The following UCKL1 variants were observed in gnomAD, a reference collection of about 807,000 sequenced individuals.
The protein encoded by UCKL1 is uridine-cytidine kinase-like 1.
A neutral mutation model predicts 59.2 loss-of-function variants in UCKL1; 65 were observed. That is an observed-to-expected ratio of 1.10 (90% CI 0.90 to 1.35). The LOEUF (loss-of-function observed/expected upper bound fraction) is 1.35. Ranked by LOEUF, UCKL1 falls within the 40% of genes most tolerant of loss-of-function variation. The probability of loss-of-function intolerance (pLI) is 0.00; values close to 1 mark genes in which losing one functional copy is unlikely to be tolerated. For missense variants in UCKL1, 703 were observed against 784.3 expected, an observed-to-expected ratio of 0.90 and a Z score of 1.24; for synonymous variants, 410 against 323.1, an observed-to-expected ratio of 1.27 and a Z score of -2.88.
intron 1 of UCKL1, among the ~76,000 whole-genome samples, chr20:63,950,571 C>T (rs987621872): frequency 2.6e-5 from 4 of 152,210 alleles, no homozygotes; most frequent in Non-Finnish European, 5.9e-5. Context: ...ACAAGAGAGA[C>T]GCGCCCAGAC....
In UCKL1 at chr20:63,945,890, A is replaced by G. The variant is rs1460378368; in HGVS notation, c.497T>C (p.Ile166Thr). Residue 166 changes from isoleucine to threonine, a missense_variant, in exon 4 of 15, where the codon ATT becomes ACT. Around this residue, in one of 4 missense-constraint regions of UCKL1, gnomAD observed 398 missense variants for 373.0 expected, o/e 1.07. Transcript: ENST00000354216. ...CTGCTTCAGCTTCTTGAGGGTGGAAATGATGAGGTCGAAGTCAAAGGCATC... is the reference window on the plus strand; with the variant it reads ...CTGCTTCAGCTTCTTGAGGGTGGAAGTGATGAGGTCGAAGTCAAAGGCATC... ...HPDAFDFDLI[I>T]STLKKLKQGK... 1 of 1,613,690 alleles carries G rather than the reference A, an allele frequency of 6.2e-7. No individual in the cohort carries two copies. Among genetic ancestry groups the G allele is most frequent in the Non-Finnish European group, 8.5e-7 (1 of 1,179,978 alleles).
Position 63,940,441 on chromosome 20 carries a change from C to A in UCKL1, c.1347G>T (p.Val449=). Residue 449 remains valine (V), a synonymous_variant, in exon 13 of 15, where the codon GTG becomes GTT. Coordinates refer to ENST00000354216, the MANE Select transcript of UCKL1 (RefSeq NM_017859.4). ...RLPKDISDDH[V]ILMDCTVSTG... ...TGGACACGGTGCAGTCCATGAGGAT[C>A]ACGTGGTCATCGCTGATGTCCTTGG... 1.9e-6 allele frequency: 3 copies of A among 1,612,424 alleles called. No homozygotes were observed. In the South Asian group the frequency reaches 3.3e-5, roughly 18 times the overall value.
At chr20:63,945,235 C>G (rs1393466405) in intron 5 of UCKL1, among the ~76,000 whole-genome samples, 1 of 152,128 alleles carries the variant, frequency 6.6e-6, no homozygotes, top group Admixed American at 6.5e-5. Context: ...GTCCTCTGGG[C>G]CTGTACAAGG....
At chr20:63,948,302 C>T (rs552787091) in intron 1 of UCKL1, 162 of 152,216 alleles carry the variant, frequency 1.1e-3, no homozygotes, top group Admixed American at 2.9e-3. Context: ...GCTCCGCAAA[C>T]GGCAGGACCG....
chr20:63,941,769 G>A (rs1190314432), intron 8 of UCKL1, among the ~76,000 whole-genome samples: 1 of 152,086 alleles, frequency 6.6e-6, no homozygotes, highest in Non-Finnish European at 1.5e-5. Context: ...AGGTCTAGGA[G>A]CGGGCAGGAA....
In UCKL1 at chr20:63,940,816, C is replaced by A. The variant is rs1483470415; in HGVS notation, c.1157G>T (p.Gly386Val). ...VQTPQGQDYA[G>V]KCYAGKQITG... ...TACCTGCTTCCCCGCATAGCACTTG[C>A]CCGCATAGTCCTGCCCCTGCGGGGT... The change falls in exon 11 of 15, where the codon GGC becomes GTC. Residue 386 changes from glycine to valine, a missense_variant. This residue lies in a region of UCKL1 where 156 missense variants were observed against 185.6 expected (regional missense o/e 0.84). Coordinates refer to ENST00000354216, the MANE Select transcript of UCKL1 (RefSeq NM_017859.4). 6.4e-7 allele frequency: 1 copy of A among 1,573,444 alleles called. No individual in the cohort carries two copies. The highest frequency in any genetic ancestry group is 8.6e-7 in the Non-Finnish European group (1 of 1,160,978).
chr20:63,949,830 C>T (rs1033818252), intron 1 of UCKL1, among the ~76,000 whole-genome samples: 11 of 152,246 alleles, frequency 7.2e-5, no homozygotes, highest in Admixed American at 1.3e-4. Flanking sequence ...CCTGCACTTC[C>T]GCCATGCACC....
At chr20:63,941,773 G>A (rs2054529316) in intron 8 of UCKL1, among the ~76,000 whole-genome samples, 1 of 152,126 alleles carries the variant, frequency 6.6e-6, no homozygotes, top group Admixed American at 6.5e-5. Context: ...CTAGGAGCGG[G>A]CAGGAAAAGG....
Position 63,948,595 on chromosome 20 carries a change from G to C in UCKL1, c.114-1952C>G, listed in dbSNP as rs374095946. 4 of 11,004 alleles carry C rather than the reference G, an allele frequency of 3.6e-4. No homozygotes were observed. In the East Asian group the frequency reaches 0.016, roughly 45 times the overall value. The allele number at this position is 11,004 out of a possible 1,614,324, so 0.7% of individuals were successfully genotyped here. ...AGGGAGGGGATGTGTGTGAGAGGGA[G>C]GGGGCGTGTGTGAGAGGGAGGGGCG... On this transcript the variant is annotated intron_variant, in intron 1 of 14. Coordinates refer to ENST00000354216, the MANE Select transcript of UCKL1 (RefSeq NM_017859.4).
At chr20:63,947,035 C>A (rs553920389) in intron 1 of UCKL1, among the ~76,000 whole-genome samples, 3 of 151,602 alleles carry the variant, frequency 2.0e-5, no homozygotes, top group Non-Finnish European at 4.4e-5. Flanking sequence ...AATGAGCTAT[C>A]GTGCCACTGC....
Position 63,940,963 on chromosome 20 carries a change from A to G in UCKL1, c.1103T>C (p.Phe368Ser). 3 of 1,523,888 alleles carry G rather than the reference A, an allele frequency of 2.0e-6. No homozygotes were observed. Among genetic ancestry groups the G allele is most frequent in the Non-Finnish European group, 2.6e-6 (3 of 1,134,096 alleles). The allele number at this position is 1,523,888 out of a possible 1,614,324, so 94.4% of individuals were successfully genotyped here. A position where few individuals can be genotyped will look rare whatever the true frequency, so the allele number is the denominator to read the frequency against. Residue 368 changes from phenylalanine (F) to serine (S), a missense_variant, in exon 10 of 15, where the codon TTC becomes TCC. Phe to Ser is a radical substitution (Grantham distance 155). Transcript: ENST00000354216. ...CGGGCTACGAACCTGAAAGGGCAGG[A>G]AGGAGAGCGCGTGCTCGATGAGCAG... is the stretch of plus-strand genomic sequence containing the variant. ...MRLLIEHALS[F>S]LPFQDCVVQT...
intron 7 of UCKL1, 103 bp from the exon 8 acceptor site, chr20:63,943,772 G>A (rs967970223): frequency 1.1e-5 from 17 of 1,547,284 alleles, no homozygotes; most frequent in South Asian, 1.0e-4. Context: ...CTGCAGGCCC[G>A]CGGGGACACA....
At chr20:63,940,121 G>A in intron 14 of UCKL1, 29 bp downstream of exon 14, 1 of 1,612,050 alleles carries the variant, frequency 6.2e-7, no homozygotes, top group Non-Finnish European at 8.5e-7. Context: ...CTGCCCTCAT[G>A]TGCGGCTGAA....
chr20:63,952,506 G>A (rs2057806012), intron 1 of UCKL1, among the ~76,000 whole-genome samples: 1 of 152,228 alleles, frequency 6.6e-6, no homozygotes, highest in Admixed American at 6.5e-5. Context: ...CCCACGGCAG[G>A]GAGGGGCCGC....
At chr20:63,942,543 G>T in intron 8 of UCKL1, 2 of 1,086,712 alleles carry the variant, frequency 1.8e-6, no homozygotes, top group Non-Finnish European at 2.4e-6. Flanking sequence ...GGAAACGGGG[G>T]TTTACAGAGA....
chr20:63,943,447 G>A (rs1293216738), intron 8 of UCKL1, among the ~76,000 whole-genome samples: 3 of 152,198 alleles, frequency 2.0e-5, no homozygotes, highest in Non-Finnish European at 2.9e-5. Flanking sequence ...ACTCCGTGAC[G>A]CTGGGCAAGC....
rs368946143 is a variant in UCKL1, at chr20:63,947,911, G to C, written c.114-1268C>G. 1.2e-4 allele frequency among the ~76,000 whole-genome samples: 19 copies of C among 152,344 alleles called. No individual in the cohort carries two copies. The East Asian group carries it at 3.3e-3, about 26-fold the overall frequency. On this transcript the variant is annotated intron_variant, in intron 1 of 14. Coordinates refer to ENST00000354216, the MANE Select transcript of UCKL1 (RefSeq NM_017859.4). ...CTTCTCCGTCAGTTTACAACCTCAAGTGGGCAGGGGGCCGTGACTGGCCAT... is the reference window on the plus strand; with the variant it reads ...CTTCTCCGTCAGTTTACAACCTCAACTGGGCAGGGGGCCGTGACTGGCCAT...
chr20:63,942,866 G>A (rs1601032319), intron 8 of UCKL1: 2 of 386,102 alleles, frequency 5.2e-6, no homozygotes, highest in Non-Finnish European at 1.1e-5. Flanking sequence ...CCTAGGCCGA[G>A]GAGAGGGCCA....
At chr20:63,947,435 G>C (rs180696191) in intron 1 of UCKL1, among the ~76,000 whole-genome samples, 241 of 152,358 alleles carry the variant, frequency 1.6e-3, no homozygotes, top group Non-Finnish European at 2.7e-3. Flanking sequence ...AGGGCGGCGT[G>C]TGGGTGGAGG....
Sources: gnomAD v4.1 joint callset for allele counts (sites outside exome capture counted in the v4.1 genomes callset) on GRCh38, gnomAD v4.1.1 for gene constraint, gnomAD v4.1.1 regional missense constraint, MANE v1.5 for transcripts, NCBI Gene and HGNC (gene_info 2026-07-23, HGNC 2026-07-21) for gene names.